KALRN: variants seen among roughly 807,000 people sequenced by gnomAD.
The protein encoded by KALRN is kalirin RhoGEF kinase, also known as kalirin.
A neutral mutation model predicts 353.7 loss-of-function variants in KALRN; 70 were observed. The observed-to-expected ratio is 0.20, with a 90% confidence interval of 0.16 to 0.24. The LOEUF (loss-of-function observed/expected upper bound fraction) is 0.24, where lower values mean the gene tolerates loss of function less well. Among genes scored for constraint, KALRN ranks in the 10% least tolerant of loss-of-function variants. KALRN has a pLI of 1.00. For synonymous variants in KALRN, 1,391 were observed against 1,434.8 expected (o/e 0.97, Z 0.69); for missense variants, 2,791 against 3,756.7 (o/e 0.74, Z 6.72).
chr3:124,711,383 C>A (rs1055020770), intron 57 of KALRN, among the ~76,000 whole-genome samples: 8 of 152,126 alleles, frequency 5.3e-5, no homozygotes, highest in African/African-American at 9.7e-5. Flanking sequence ...AGAAAGTTGT[C>A]TTTTGAGCAC....
intron 26 of KALRN, among the ~76,000 whole-genome samples, chr3:124,475,205 G>T (rs2061327129): frequency 6.6e-6 from 1 of 152,122 alleles, no homozygotes; most frequent in Admixed American, 6.5e-5. Flanking sequence ...ATCTCCTCAA[G>T]CATGTATCCT....
chr3:124,536,066 A>G (rs1261528127), intron 33 of KALRN, among the ~76,000 whole-genome samples: 1 of 152,176 alleles, frequency 6.6e-6, no homozygotes, highest in Non-Finnish European at 1.5e-5. Context: ...CTGCAAGGGA[A>G]CCAGGGAAAT....
At chr3:124,210,423 G>GT (rs1033424806) in intron 1 of KALRN, among the ~76,000 whole-genome samples, 11 of 152,040 alleles carry the variant, frequency 7.2e-5, no homozygotes, top group African/African-American at 2.7e-4. Flanking sequence ...ACTAAATATG[G>GT]TATTTCCCCA....
intron 34 of KALRN, among the ~76,000 whole-genome samples, chr3:124,592,909 C>T (rs937060190): frequency 4.6e-5 from 7 of 152,224 alleles, no homozygotes; most frequent in African/African-American, 1.7e-4. Flanking sequence ...ACAGGTTGTT[C>T]CACATTCTTT....
At chr3:124,693,889 A>C in intron 52 of KALRN, 58 bp downstream of exon 52, 1 of 1,240,006 alleles carries the variant, frequency 8.1e-7, no homozygotes, top group Non-Finnish European at 1.2e-6. Flanking sequence ...AATTATAGTT[A>C]ATCCAGCACT....
chr3:124,316,651 A>C (rs972104525), intron 6 of KALRN, among the ~76,000 whole-genome samples: 7 of 152,132 alleles, frequency 4.6e-5, no homozygotes, highest in African/African-American at 1.7e-4. Context: ...CGGCTTCTCT[A>C]TTTTATGTAG....
intron 16 of KALRN, among the ~76,000 whole-genome samples, chr3:124,432,377 G>A (rs1206675135): frequency 3.3e-5 from 5 of 152,200 alleles, no homozygotes; most frequent in Non-Finnish European, 5.9e-5. Flanking sequence ...TTGCGCCACT[G>A]CACTCCAGCC....
intron 5 of KALRN, among the ~76,000 whole-genome samples, chr3:124,285,931 CAT>C (rs1020464567): frequency 3.3e-5 from 5 of 152,178 alleles, no homozygotes; most frequent in African/African-American, 1.2e-4. Context: ...ACAGGACAGA[CAT>C]AGAACATGTC....
chr3:124,332,793 A>C (rs1485555770), intron 8 of KALRN, among the ~76,000 whole-genome samples: 1 of 152,150 alleles, frequency 6.6e-6, no homozygotes, highest in Non-Finnish European at 1.5e-5. Flanking sequence ...ACTGCTTTTC[A>C]GGAGAAAGAA....
rs776381595 is a variant in KALRN at position 124,334,017 on chromosome 3, G to A, written c.1417-248G>A. Among the ~76,000 whole-genome samples the A allele has an allele frequency of 6.6e-6, 1 of 152,226 alleles. No individual in the cohort carries two copies. Among genetic ancestry groups the A allele is most frequent in the African/African-American group, 2.4e-5 (1 of 41,464 alleles). On this transcript the variant is annotated intron_variant, in intron 8 of 59. Transcript: ENST00000682506. This position sits in a 1 kb window ranked among gnomAD's most constrained non-coding sequence, Gnocchi z 4.2. ...CTCACAGTGCTGAAATTCAGGAGGG[G>A]AGAGAGTCTCACAGACAACTGGCCA...
intron 1 of KALRN, among the ~76,000 whole-genome samples, chr3:124,112,353 C>G (rs2063068029): frequency 6.6e-6 from 1 of 150,946 alleles, no homozygotes; most frequent in Admixed American, 6.6e-5. Flanking sequence ...ACATGAGCAT[C>G]CCTTCCCTAG....
Position 124,581,492 on chromosome 3 carries a change from G to A in KALRN, c.5182+18403G>A, listed in dbSNP as rs959031589. ...CTGGTATTTGATTTCTAAAGTAAGA[G>A]TTGGGTCTTTCTCAAACATGTAACT... On this transcript the variant is annotated intron_variant, in intron 34 of 59. Transcript: ENST00000682506. Among the ~76,000 whole-genome samples, 6 of 152,110 alleles carry A rather than the reference G, an allele frequency of 3.9e-5. No individual in the cohort carries two copies. The South Asian group carries it at 1.0e-3, about 26-fold the overall frequency.
chr3:124,619,482 CTT>C (rs59009780), intron 34 of KALRN, among the ~76,000 whole-genome samples: 355 of 104,614 alleles, frequency 3.4e-3, no homozygotes, highest in Middle Eastern at 0.013. Context: ...TATTTTCCTT[CTT>C]TTTTTTTTTT....
At chr3:124,636,877 C>G (rs370690291) in intron 36 of KALRN, among the ~76,000 whole-genome samples, 1 of 152,130 alleles carries the variant, frequency 6.6e-6, no homozygotes, top group South Asian at 2.1e-4. Flanking sequence ...AGCAGTAGCC[C>G]CCGCCCTCCA....
intron 34 of KALRN, among the ~76,000 whole-genome samples, chr3:124,627,757 T>C (rs1300748199): frequency 3.9e-5 from 6 of 152,206 alleles, no homozygotes; most frequent in Non-Finnish European, 7.3e-5. Flanking sequence ...AGAACAGTAG[T>C]TTGACCCATA....
At chr3:124,452,154 A>G (rs1043421782) in intron 21 of KALRN, among the ~76,000 whole-genome samples, 3 of 152,226 alleles carry the variant, frequency 2.0e-5, no homozygotes, top group African/African-American at 7.2e-5. Flanking sequence ...TCACCTATGT[A>G]TAAGAAACCA....
At chr3:124,352,921 G>A (rs1389315476) in intron 10 of KALRN, among the ~76,000 whole-genome samples, 3 of 152,070 alleles carry the variant, frequency 2.0e-5, no homozygotes, top group African/African-American at 7.2e-5. Context: ...ATAAATGACG[G>A]GTTGGTGGGT....
At chr3:124,395,380 C>T (rs374540656) in intron 12 of KALRN, 37 bp downstream of exon 12, 40 of 1,539,588 alleles carry the variant, frequency 2.6e-5, no homozygotes, top group South Asian at 2.0e-4. Context: ...GGAAATGCCT[C>T]GGGCTAGACG....
chr3:124,066,560 G>A (rs1577720925), intron 1 of KALRN, among the ~76,000 whole-genome samples: 1 of 152,198 alleles, frequency 6.6e-6, no homozygotes, highest in African/African-American at 2.4e-5. Context: ...ATGTGTGAAA[G>A]AGCAACCTCA....
Sources: gnomAD v4.1 joint callset for allele counts (sites outside exome capture counted in the v4.1 genomes callset) on GRCh38, gnomAD v4.1.1 for gene constraint, Gnocchi (gnomAD v3.1) non-coding constraint, MANE v1.5 for transcripts, NCBI Gene and HGNC (gene_info 2026-07-23, HGNC 2026-07-21) for gene names.